CUX1: variants seen among roughly 807,000 people sequenced by gnomAD.
CUX1 encodes protein CASP.
CUX1 carries 31 observed loss-of-function variants against 158.8 expected under a neutral mutation model. That is an observed-to-expected ratio of 0.20 (90% CI 0.15 to 0.26). CUX1 has a LOEUF of 0.26. Ranked by LOEUF, CUX1 falls within the 10% of genes least tolerant of loss-of-function variation. CUX1 has a pLI of 1.00. For missense variants in CUX1, 1,589 were observed against 2,014.6 expected, an observed-to-expected ratio of 0.79 and a Z score of 4.04; for synonymous variants, 879 against 862.1, an observed-to-expected ratio of 1.02 and a Z score of -0.34.
intron 1 of CUX1, among the ~76,000 whole-genome samples, chr7:101,826,320 T>C (rs1021831226): frequency 6.6e-6 from 1 of 151,966 alleles, no homozygotes; most frequent in Non-Finnish European, 1.5e-5. Context: ...CACCTCAGCC[T>C]CCCGGGTAGC....
chr7:102,280,065 G>A lies in CUX1; in HGVS notation c.1709G>A (p.Arg570Gln), dbSNP rs202149844. 9.6e-5 allele frequency: 154 copies of A among 1,610,580 alleles called. No homozygotes were observed. The highest frequency in any genetic ancestry group is 2.2e-4 in the Admixed American group (13 of 60,020). Residue 570 changes from arginine to glutamine, a missense_variant, in exon 19 of 23, where the codon CGG becomes CAG. By Grantham distance (43) the Arg-to-Gln change is conservative. Transcript: ENST00000292538. ...AGCGGCAGTGATGACACGGAGCTGC[G>A]GTACTCGTCCCAGTACGAGGAGCGC... is the stretch of plus-strand genomic sequence containing the variant.
At chr7:101,935,259 A>T (rs560545997) in intron 2 of CUX1, among the ~76,000 whole-genome samples, 8 of 152,060 alleles carry the variant, frequency 5.3e-5, no homozygotes, top group Non-Finnish European at 1.2e-4. Flanking sequence ...CCAGAGAACA[A>T]ACCCCTTTTG....
intron 8 of CUX1, among the ~76,000 whole-genome samples, chr7:102,143,435 A>G (rs1834675466): frequency 6.6e-6 from 1 of 152,024 alleles, no homozygotes; most frequent in South Asian, 2.1e-4. Context: ...TACCCAGCTA[A>G]TTTTTGTATT....
intron 1 of CUX1, among the ~76,000 whole-genome samples, chr7:101,831,591 C>G (rs971053932): frequency 6.6e-6 from 1 of 151,182 alleles, no homozygotes; most frequent in African/African-American, 2.4e-5. Flanking sequence ...CATGCCTGGC[C>G]GGAACTGACA....
chr7:102,222,276 T>C (rs1174664009), intron 20 of CUX1, among the ~76,000 whole-genome samples: 1 of 151,912 alleles, frequency 6.6e-6, no homozygotes, highest in Non-Finnish European at 1.5e-5. Context: ...AGACCTCGTC[T>C]CAAAAAAAAT....
chr7:102,143,376 C>T (rs1163259641), intron 8 of CUX1, among the ~76,000 whole-genome samples: 1 of 152,174 alleles, frequency 6.6e-6, no homozygotes, highest in Non-Finnish European at 1.5e-5. Flanking sequence ...TCAAACGATC[C>T]ACCCACATCA....
At chr7:102,063,836 G>A (rs1825231510) in intron 3 of CUX1, among the ~76,000 whole-genome samples, 1 of 152,226 alleles carries the variant, frequency 6.6e-6, no homozygotes, top group East Asian at 1.9e-4. Flanking sequence ...CCGTGGTCGG[G>A]AGGAAAAACA....
At chr7:102,073,165 CTTT>C (rs869202667) in intron 4 of CUX1, among the ~76,000 whole-genome samples, 19 of 66,882 alleles carry the variant, frequency 2.8e-4, no homozygotes, top group South Asian at 6.8e-4. Flanking sequence ...TCTTTTCTTT[CTTT>C]TTTTTTTTTT....
intron 2 of CUX1, among the ~76,000 whole-genome samples, chr7:101,943,516 C>T (rs1474704508): frequency 1.3e-5 from 2 of 151,992 alleles, no homozygotes; most frequent in Non-Finnish European, 2.9e-5. Context: ...CTACTTTCAG[C>T]GTCTTTGGTG....
chr7:102,005,137 A>C (rs1277783017), intron 2 of CUX1, among the ~76,000 whole-genome samples: 1 of 152,118 alleles, frequency 6.6e-6, no homozygotes, highest in African/African-American at 2.4e-5. Context: ...TCTACCCAGA[A>C]GTACCTGGGA....
In CUX1 at chr7:102,198,966, G is replaced by T; in HGVS notation, c.1960+99G>T. ...GTTAAAACTGTGCAGTGTGATTCTGGCCTGGAACCTGATGGAAAAACAGCT... is the reference window on the plus strand; with the variant it reads ...GTTAAAACTGTGCAGTGTGATTCTGTCCTGGAACCTGATGGAAAAACAGCT... On this transcript the variant is annotated intron_variant, in intron 16 of 23. Coordinates refer to ENST00000292535, the MANE Select transcript of CUX1 (RefSeq NM_181552.4). The T allele has an allele frequency of 2.7e-6, 3 of 1,107,730 alleles. No homozygotes were observed. The South Asian group carries it at 3.8e-5, about 14-fold the overall frequency. 68.6% of individuals were successfully genotyped at this position (1,107,730 alleles called of 1,614,324 possible).
chr7:102,123,395 G>T (rs1358139960), intron 8 of CUX1, among the ~76,000 whole-genome samples: 1 of 151,934 alleles, frequency 6.6e-6, no homozygotes, highest in African/African-American at 2.4e-5. Context: ...GAATCATGAG[G>T]TCAGGAGATT....
chr7:102,168,643 C>CAAA (rs1167424159), intron 9 of CUX1, among the ~76,000 whole-genome samples: 1,657 of 75,182 alleles, frequency 0.022, 64 homozygotes, highest in African/African-American at 0.072. Context: ...GGCTCTGTCT[C>CAAA]AAAAAAAAAA....
Position 101,817,742 on chromosome 7 carries a change from G to T in CUX1, c.30+73G>T. The T allele has an allele frequency of 6.5e-7, 1 of 1,529,720 alleles. No homozygotes were observed. The highest frequency in any genetic ancestry group is 1.2e-5 in the South Asian group (1 of 82,736). The allele number at this position is 1,529,720 out of a possible 1,614,324, so 94.8% of individuals were successfully genotyped here. ...AACCGGGGATGTCGGGGGGTGCCCGGGTCCCGCGGCTTAGAATGCTCTAGG... is the reference window on the plus strand; with the variant it reads ...AACCGGGGATGTCGGGGGGTGCCCGTGTCCCGCGGCTTAGAATGCTCTAGG... On this transcript the variant is annotated intron_variant, in intron 1 of 23. Coordinates refer to ENST00000292535, the MANE Select transcript of CUX1 (RefSeq NM_181552.4). This position sits in a 1 kb window ranked among gnomAD's most constrained non-coding sequence, Gnocchi z 4.1.
intron 20 of CUX1, chr7:102,281,790 G>A: frequency 1.6e-6 from 2 of 1,249,262 alleles, no homozygotes; most frequent in Non-Finnish European, 1.2e-6. Flanking sequence ...CAGCCCTGCA[G>A]GGGTGGGTGA....
chr7:101,817,473 A>G (rs891026786), upstream of CUX1: 707 of 1,077,226 alleles, frequency 6.6e-4, 7 homozygotes, highest in South Asian at 0.016. This position sits in a 1 kb window ranked among gnomAD's most constrained non-coding sequence, Gnocchi z 4.1. Flanking sequence ...CCGCGGGGGG[A>G]CCGTGCCGGG....
intron 1 of CUX1, among the ~76,000 whole-genome samples, chr7:101,819,338 A>C (rs1792219477): frequency 6.6e-6 from 1 of 152,230 alleles, no homozygotes; most frequent in Non-Finnish European, 1.5e-5. Context: ...TCTGTATGTT[A>C]GTGGAGCTTT....
intron 14 of CUX1, among the ~76,000 whole-genome samples, chr7:102,272,970 A>T (rs1554546614): frequency 6.6e-6 from 1 of 152,182 alleles, no homozygotes; most frequent in East Asian, 1.9e-4. Context: ...GCTAGGAAGC[A>T]ACCTGAGCCT....
At position 102,249,266 on chromosome 7, in the gene CUX1, G is replaced by GCCGACCCTGCGGCCTCCA. The variant is rs1801216450; in HGVS notation, c.*227_*244dup. 3 of 1,058,692 alleles carry GCCGACCCTGCGGCCTCCA rather than the reference G, an allele frequency of 2.8e-6. No homozygotes were observed. Among genetic ancestry groups the GCCGACCCTGCGGCCTCCA allele is most frequent in the African/African-American group, 1.7e-5 (1 of 58,700 alleles). The allele number at this position is 1,058,692 out of a possible 1,614,324, so 65.6% of individuals were successfully genotyped here. On this transcript the variant is annotated 3_prime_UTR_variant, in exon 24 of 24. Transcript: ENST00000292535. ...GGCCCAGACCCACTCTGCGGCCCGGGCCGACCCTGCGGCCTCCACCAACCC... is the reference window on the plus strand; with the variant it reads ...GGCCCAGACCCACTCTGCGGCCCGGGCCGACCCTGCGGCCTCCACCGACCCTGCGGCCTCCACCAACCC...
Sources: allele counts gnomAD v4.1 joint callset (sites outside exome capture counted in the v4.1 genomes callset), GRCh38; gene constraint gnomAD v4.1.1; non-coding constraint Gnocchi (gnomAD v3.1); transcripts MANE v1.5; gene names NCBI Gene and HGNC (gene_info 2026-07-23, HGNC 2026-07-21).